The following TENM2 variants were observed in gnomAD, a reference collection of about 807,000 sequenced individuals.
TENM2 encodes teneurin-2.
TENM2 carries 52 observed loss-of-function variants against 245.2 expected under a neutral mutation model. The ratio of observed to expected loss-of-function variants is 0.21; its 90% CI spans 0.17 to 0.27. The LOEUF is 0.27. TENM2 is among the 10% of genes least tolerant of loss of function. The probability of loss-of-function intolerance (pLI) is 1.00; values close to 1 mark genes in which losing one functional copy is unlikely to be tolerated. For synonymous variants in TENM2, 1,363 were observed against 1,438.9 expected (o/e 0.95, Z 1.19); for missense variants, 3,046 against 3,666.8 (o/e 0.83, Z 4.37).
At chr5:167,426,352 T>C (rs1188940584) in intron 2 of TENM2, among the ~76,000 whole-genome samples, 1 of 152,116 alleles carries the variant, frequency 6.6e-6, no homozygotes, top group African/African-American at 2.4e-5. Context: ...GGTGTGGTAG[T>C]GCATGTCTGT....
chr5:168,220,055 C>T (rs577570003), intron 23 of TENM2, among the ~76,000 whole-genome samples: 2 of 152,192 alleles, frequency 1.3e-5, no homozygotes, highest in East Asian at 1.9e-4. Flanking sequence ...AGCACCTTAA[C>T]GATGCTTGAG....
intron 2 of TENM2, among the ~76,000 whole-genome samples, chr5:167,693,119 G>C (rs1757535331): frequency 6.6e-6 from 1 of 152,190 alleles, no homozygotes; most frequent in Non-Finnish European, 1.5e-5. Context: ...GGTTTGTGCT[G>C]AGCTATTAGT....
intron 2 of TENM2, among the ~76,000 whole-genome samples, chr5:167,519,049 C>G (rs1337651856): frequency 6.6e-6 from 1 of 152,130 alleles, no homozygotes; most frequent in East Asian, 1.9e-4. Context: ...AGTCCATATC[C>G]TTTCCTCTTT....
chr5:167,174,618 T>G, the TENM2 span, among the ~76,000 whole-genome samples: 137 of 152,288 alleles, frequency 9.0e-4, no homozygotes, highest in African/African-American at 3.2e-3. Context: ...AATGAACACT[T>G]CAATCAAGCA....
At chr5:167,182,308 G>T in the TENM2 span, among the ~76,000 whole-genome samples, 1 of 151,882 alleles carries the variant, frequency 6.6e-6, no homozygotes. Flanking sequence ...CAAATAGGTT[G>T]CTACAGTACT....
At chr5:167,530,821 T>C (rs1361922185) in intron 2 of TENM2, among the ~76,000 whole-genome samples, 1 of 152,208 alleles carries the variant, frequency 6.6e-6, no homozygotes, top group African/African-American at 2.4e-5. Flanking sequence ...CCCTCAAATG[T>C]GAGCCCTGCT....
chr5:167,484,317 G>A (rs1264577706), intron 2 of TENM2, among the ~76,000 whole-genome samples: 1 of 152,100 alleles, frequency 6.6e-6, no homozygotes. Flanking sequence ...GTCTTTCCAG[G>A]GGTGATCAAA....
At chr5:167,690,292 T>G (rs1434119124) in intron 2 of TENM2, among the ~76,000 whole-genome samples, 1 of 152,076 alleles carries the variant, frequency 6.6e-6, no homozygotes, top group Non-Finnish European at 1.5e-5. Flanking sequence ...TATGTATTTT[T>G]TTTTAAGTTT....
At chr5:167,852,488 G>A (rs1770675155) in intron 2 of TENM2, among the ~76,000 whole-genome samples, 1 of 152,122 alleles carries the variant, frequency 6.6e-6, no homozygotes, top group Admixed American at 6.5e-5. Flanking sequence ...TCTTTTAGCT[G>A]TAAATTGTTT....
At chr5:168,196,457 T>TTTTG (rs911675659) in intron 15 of TENM2, among the ~76,000 whole-genome samples, 5 of 152,156 alleles carry the variant, frequency 3.3e-5, no homozygotes, top group African/African-American at 4.8e-5. Context: ...GGTGGGGTTT[T>TTTTG]TTTGTTTGTT....
intron 2 of TENM2, among the ~76,000 whole-genome samples, chr5:167,572,322 C>T (rs1247992137): frequency 6.6e-6 from 1 of 152,100 alleles, no homozygotes; most frequent in East Asian, 1.9e-4. Context: ...TTCCAAATTG[C>T]AAGATGCCTA....
chr5:167,760,246 A>G (rs541719469), intron 2 of TENM2, among the ~76,000 whole-genome samples: 26 of 152,354 alleles, frequency 1.7e-4, no homozygotes, highest in African/African-American at 6.0e-4. Flanking sequence ...CTTCTCTTCT[A>G]TCATTAAATA....
At chr5:167,419,129 G>GTAGATGGATAGATAGA (rs140094893) in intron 2 of TENM2, among the ~76,000 whole-genome samples, 203 of 150,390 alleles carry the variant, frequency 1.3e-3, no homozygotes, top group Admixed American at 2.0e-3. Context: ...AGATGTGTAT[G>GTAGATGGATAGATAGA]TAGATAGATA....
chr5:167,588,366 A>C (rs1335408474), intron 2 of TENM2, among the ~76,000 whole-genome samples: 1 of 152,146 alleles, frequency 6.6e-6, no homozygotes, highest in Non-Finnish European at 1.5e-5. Flanking sequence ...ATTTCTCCTT[A>C]ATTTGAGGTA....
At chr5:167,783,517 AATGCAGTTAG>A (rs2150849117) in intron 2 of TENM2, among the ~76,000 whole-genome samples, 1 of 152,300 alleles carries the variant, frequency 6.6e-6, no homozygotes, top group East Asian at 1.9e-4. Flanking sequence ...GAAACTCGTT[AATGCAGTTAG>A]ATGCCACGGC....
intron 2 of TENM2, among the ~76,000 whole-genome samples, chr5:167,688,645 C>G (rs1757230474): frequency 6.6e-6 from 1 of 152,160 alleles, no homozygotes; most frequent in Non-Finnish European, 1.5e-5. Flanking sequence ...AAAACAAGTG[C>G]TCATATTTTA....
chr5:167,673,661 T>C (rs1582714534), intron 2 of TENM2, among the ~76,000 whole-genome samples: 1 of 152,230 alleles, frequency 6.6e-6, no homozygotes, highest in South Asian at 2.1e-4. Context: ...ACTTTCAGGC[T>C]GGTGGTCTCA....
intron 2 of TENM2, among the ~76,000 whole-genome samples, chr5:167,739,463 C>A (rs35325704): frequency 6.6e-6 from 1 of 151,920 alleles, no homozygotes; most frequent in African/African-American, 2.4e-5. Context: ...TTCCAGTTAC[C>A]TGTAAGCCAG....
intron 2 of TENM2, among the ~76,000 whole-genome samples, chr5:167,773,570 G>A (rs1268850790): frequency 6.6e-6 from 1 of 152,128 alleles, no homozygotes; most frequent in African/African-American, 2.4e-5. Flanking sequence ...CAAGTCTCTT[G>A]GAATTTGGGG....
Sources: allele counts gnomAD v4.1 joint callset (sites outside exome capture counted in the v4.1 genomes callset), GRCh38; gene constraint gnomAD v4.1.1; transcripts MANE v1.5; gene names NCBI Gene and HGNC (gene_info 2026-07-23, HGNC 2026-07-21).